The following SESTD1 variants were observed in gnomAD, a reference collection of about 807,000 sequenced individuals.
SESTD1 encodes SEC14 and spectrin domain containing 1, also known as SEC14 domain and spectrin repeat-containing protein 1.
SESTD1 carries 43 observed loss-of-function variants against 101.7 expected under a neutral mutation model. The ratio of observed to expected loss-of-function variants is 0.42; its 90% confidence interval spans 0.33 to 0.55. SESTD1 has a LOEUF of 0.55. Among genes scored for constraint, SESTD1 ranks in the 20% least tolerant of loss-of-function variants. The pLI is 0.07. For missense variants in SESTD1, 647 were observed against 815.1 expected, an observed-to-expected ratio of 0.79 and a Z score of 2.51; for synonymous variants, 283 against 286.8, an observed-to-expected ratio of 0.99 and a Z score of 0.13.
chr2:179,225,430 T>G (rs556562657), intron 1 of SESTD1, among the ~76,000 whole-genome samples: 2 of 152,212 alleles, frequency 1.3e-5, no homozygotes, highest in African/African-American at 4.8e-5. Flanking sequence ...TTTAAAGATA[T>G]GACATTAAGG....
At chr2:179,263,849 T>C (rs2047517532) in intron 1 of SESTD1, 1 of 152,480 alleles carries the variant, frequency 6.6e-6, no homozygotes, top group Non-Finnish European at 1.5e-5. Flanking sequence ...CTCCCCTTTG[T>C]GACTCTCCCA....
rs576835734 is a variant in SESTD1 at position 179,183,245 on chromosome 2, T to C, written c.56-57A>G. ...AATACATATTAAGGCATAATCTGAA[T>C]AATATACATTTGAATCCAATCTTAC... On this transcript the variant is annotated intron_variant, in intron 2 of 17. Coordinates refer to ENST00000428443, the MANE Select transcript of SESTD1 (RefSeq NM_178123.5). 4 of 1,083,080 alleles carry C rather than the reference T, an allele frequency of 3.7e-6. No homozygotes were observed. In the East Asian group the frequency reaches 8.0e-5, roughly 22 times the overall value. The allele number at this position is 1,083,080 out of a possible 1,614,324, so 67.1% of individuals were successfully genotyped here. A position where few individuals can be genotyped will look rare whatever the true frequency, so the allele number is the denominator to read the frequency against.
chr2:179,116,871 C>T, intron 14 of SESTD1, 81 bp from the exon 15 acceptor site: 1 of 1,511,044 alleles, frequency 6.6e-7, no homozygotes, highest in Non-Finnish European at 8.9e-7. Flanking sequence ...ACAGAGATTA[C>T]TATCATGTGA....
intron 1 of SESTD1, among the ~76,000 whole-genome samples, chr2:179,192,560 C>A (rs2046334095): frequency 6.6e-6 from 1 of 152,182 alleles, no homozygotes. Flanking sequence ...CCACAATTCA[C>A]TATTCTTTGA....
At chr2:179,196,677 G>A (rs1482544326) in intron 1 of SESTD1, among the ~76,000 whole-genome samples, 1 of 152,188 alleles carries the variant, frequency 6.6e-6, no homozygotes, top group Middle Eastern at 3.2e-3. Context: ...CTAACTGGGA[G>A]GCACCCCCCA....
At chr2:179,181,904 G>A (rs2046118486) in intron 3 of SESTD1, among the ~76,000 whole-genome samples, 1 of 151,252 alleles carries the variant, frequency 6.6e-6, no homozygotes, top group South Asian at 2.1e-4. Flanking sequence ...TAATACTAAT[G>A]CACTGACTAC....
At position 179,143,655 on chromosome 2, in the gene SESTD1, C is replaced by T; in HGVS notation, c.786G>A (p.Gln262=). 1 of 1,613,936 alleles carries T rather than the reference C, an allele frequency of 6.2e-7. No individual in the cohort carries two copies. The highest frequency in any genetic ancestry group is 8.5e-7 in the Non-Finnish European group (1 of 1,179,914). The change falls in exon 9 of 18, where the codon CAG becomes CAA. Residue 262 remains glutamine, a synonymous_variant. Transcript: ENST00000428443. Reference sequence around the variant, plus strand: ...GCTTGCTACGTTGCCTACAAACTTCCTGGTAGCGGGTATATTGCTCTCGGA... The same window carrying T: ...GCTTGCTACGTTGCCTACAAACTTCTTGGTAGCGGGTATATTGCTCTCGGA... ...DSLREQYTRY[Q]EVCRQRSKRT...
rs2044321865 is a variant in SESTD1, at chr2:179,103,704, T to C, written c.*6195A>G. The C allele has an allele frequency of 6.6e-6, 1 of 152,066 alleles. No individual in the cohort carries two copies. Among genetic ancestry groups the C allele is most frequent in the Admixed American group, 6.6e-5 (1 of 15,262 alleles). The allele number at this position is 152,066 out of a possible 1,614,324, so 9.4% of individuals were successfully genotyped here. A position where few individuals can be genotyped will look rare whatever the true frequency, so the allele number is the denominator to read the frequency against. ...GTTTTAGAACAGAAAAATCTTATGG[T>C]AGAAAAAGGAACAGTGGTTGCCTTT... On this transcript the variant is annotated 3_prime_UTR_variant, in exon 18 of 18. Coordinates refer to ENST00000428443, the MANE Select transcript of SESTD1 (RefSeq NM_178123.5).
At chr2:179,141,513 T>G (rs1369436131) in intron 9 of SESTD1, among the ~76,000 whole-genome samples, 1 of 152,186 alleles carries the variant, frequency 6.6e-6, no homozygotes, top group Non-Finnish European at 1.5e-5. Context: ...GACATTTTTT[T>G]TTTTTTGAAT....
chr2:179,126,910 A>T (rs1486642003), intron 10 of SESTD1, among the ~76,000 whole-genome samples: 1 of 152,000 alleles, frequency 6.6e-6, no homozygotes, highest in Non-Finnish European at 1.5e-5. Context: ...ATCAATTCTC[A>T]TTACTTCTAA....
At chr2:179,218,596 A>G (rs1013281280) in intron 1 of SESTD1, among the ~76,000 whole-genome samples, 1 of 152,254 alleles carries the variant, frequency 6.6e-6, no homozygotes, top group African/African-American at 2.4e-5. Context: ...TAGGTGCAAA[A>G]TAAGTACTTC....
intron 15 of SESTD1, among the ~76,000 whole-genome samples, chr2:179,116,389 T>C (rs2044633975): frequency 6.6e-6 from 1 of 152,258 alleles, no homozygotes. Flanking sequence ...CCATTTCATA[T>C]TAACTTCTGT....
chr2:179,203,813 G>T (rs1313355615), intron 1 of SESTD1, among the ~76,000 whole-genome samples: 1 of 133,996 alleles, frequency 7.5e-6, no homozygotes, highest in Non-Finnish European at 1.6e-5. Context: ...TGAGCCTGCA[G>T]TCCCAGCTAC....
chr2:179,155,793 A>G (rs946919602), intron 5 of SESTD1, among the ~76,000 whole-genome samples: 4 of 152,092 alleles, frequency 2.6e-5, no homozygotes, highest in African/African-American at 9.7e-5. Context: ...TAGTTACATG[A>G]GTAATTTCTT....
chr2:179,110,536 A>T (rs1182902683), intron 17 of SESTD1, among the ~76,000 whole-genome samples: 2 of 152,228 alleles, frequency 1.3e-5, no homozygotes, highest in African/African-American at 4.8e-5. Flanking sequence ...GAGCTGGAAG[A>T]TTTCTTAGAA....
At chr2:179,152,790 T>G (rs1223335063) in intron 5 of SESTD1, among the ~76,000 whole-genome samples, 3 of 152,066 alleles carry the variant, frequency 2.0e-5, no homozygotes, top group Non-Finnish European at 4.4e-5. Context: ...TAAATGGAAA[T>G]TAAGTCTTAA....
chr2:179,229,770 T>C (rs1486708844), intron 1 of SESTD1, among the ~76,000 whole-genome samples: 2 of 123,740 alleles, frequency 1.6e-5, no homozygotes, highest in East Asian at 2.1e-4. Context: ...TATATATATA[T>C]ATATACTCAA....
In SESTD1 at chr2:179,197,263, A is replaced by C. The variant is rs1368872916; in HGVS notation, c.-25-5397T>G. ...GCGAGAAGGGAAATTTAGAGAAAAA[A>C]AAATAAAAACAAATGAGCAAAGCCT... is the stretch of plus-strand genomic sequence containing the variant. On this transcript the variant is annotated intron_variant, in intron 1 of 17. Transcript: ENST00000428443. Among the ~76,000 whole-genome samples, 6 of 152,198 alleles carry C rather than the reference A, an allele frequency of 3.9e-5. 1 individual carries two copies. The highest frequency in any genetic ancestry group is 8.8e-5 in the Non-Finnish European group (6 of 68,042).
chr2:179,206,160 C>T (rs936880620), intron 1 of SESTD1, among the ~76,000 whole-genome samples: 3 of 135,276 alleles, frequency 2.2e-5, no homozygotes, highest in East Asian at 2.0e-4. Flanking sequence ...ACAGGACTAA[C>T]GTGCAGCTCC....
Sources: gnomAD v4.1 joint callset for allele counts (sites outside exome capture counted in the v4.1 genomes callset) on GRCh38, gnomAD v4.1.1 for gene constraint, MANE v1.5 for transcripts, NCBI Gene and HGNC (gene_info 2026-07-23, HGNC 2026-07-21) for gene names.